OLFM3: variants seen among roughly 807,000 people sequenced by gnomAD.
OLFM3 encodes noelin-3.
In OLFM3, 20 loss-of-function variants were observed where a neutral mutation model predicts 48.6. The ratio of observed to expected loss-of-function variants is 0.41; its 90% confidence interval spans 0.29 to 0.60. OLFM3 has a LOEUF of 0.60. Ranked by LOEUF, OLFM3 falls within the 20% of genes least tolerant of loss-of-function variation. The pLI is 0.28. For missense variants in OLFM3, 437 were observed against 544.3 expected, an observed-to-expected ratio of 0.80 and a Z score of 1.96; for synonymous variants, 222 against 198.1, an observed-to-expected ratio of 1.12 and a Z score of -1.01.
At chr1:101,989,772 T>A (rs1661350252) in intron 1 of OLFM3, among the ~76,000 whole-genome samples, 1 of 152,130 alleles carries the variant, frequency 6.6e-6, no homozygotes, top group Non-Finnish European at 1.5e-5. Flanking sequence ...AGCAAGAAGA[T>A]CAATATAAGC....
At chr1:101,875,868 G>A (rs554182402) in intron 1 of OLFM3, among the ~76,000 whole-genome samples, 1 of 152,076 alleles carries the variant, frequency 6.6e-6, no homozygotes, top group Non-Finnish European at 1.5e-5. Flanking sequence ...TCATTTAAGT[G>A]GATGTCACAA....
chr1:101,875,863 T>G (rs2100982901), intron 1 of OLFM3, among the ~76,000 whole-genome samples: 1 of 152,164 alleles, frequency 6.6e-6, no homozygotes, highest in South Asian at 2.1e-4. Context: ...CACTGTCATT[T>G]AAGTGGATGT....
chr1:101,890,994 A>G (rs1347443373), intron 1 of OLFM3, among the ~76,000 whole-genome samples: 3 of 151,994 alleles, frequency 2.0e-5, no homozygotes, highest in Non-Finnish European at 2.9e-5. Flanking sequence ...TAGCCTAACC[A>G]AATATTTAGA....
chr1:101,940,302 C>T (rs114433977), intron 1 of OLFM3, among the ~76,000 whole-genome samples: 349 of 148,988 alleles, frequency 2.3e-3, no homozygotes, highest in African/African-American at 8.1e-3. Context: ...TAGAGCTGTG[C>T]TATTCTCAGG....
intron 1 of OLFM3, among the ~76,000 whole-genome samples, chr1:101,918,563 CT>C (rs55766537): frequency 1.7e-4 from 24 of 142,698 alleles, no homozygotes; most frequent in Non-Finnish European, 1.8e-4. Flanking sequence ...CTCCTTCCTC[CT>C]TTTTTTTTTT....
chr1:101,948,410 G>A (rs1282228555), intron 1 of OLFM3, among the ~76,000 whole-genome samples: 2 of 151,996 alleles, frequency 1.3e-5, no homozygotes, highest in East Asian at 1.9e-4. Context: ...GGAAGTAGAT[G>A]ACACTGTCTT....
intron 1 of OLFM3, among the ~76,000 whole-genome samples, chr1:101,906,401 A>T (rs1658551332): frequency 1.3e-5 from 2 of 152,104 alleles, no homozygotes; most frequent in Non-Finnish European, 2.9e-5. Context: ...TTTATTTCAT[A>T]TCTTTTATGT....
rs1293198053 is a variant in OLFM3 at position 101,932,131 on chromosome 1, G to T, written c.69+64617C>A. ...GTAAGGCTTTATTTTTTCTTTTGTG[G>T]AAATACTATATTCTCTGTATTGACT... On this transcript the variant is annotated intron_variant, in intron 1 of 5. Transcript: ENST00000370103. Among the ~76,000 whole-genome samples the T allele has an allele frequency of 2.0e-5, 3 of 152,028 alleles. No homozygotes were observed. In the East Asian group the frequency reaches 5.8e-4, roughly 29 times the overall value.
intron 4 of OLFM3, among the ~76,000 whole-genome samples, chr1:101,820,843 A>G (rs1654577035): frequency 6.6e-6 from 1 of 152,108 alleles, no homozygotes; most frequent in African/African-American, 2.4e-5. Context: ...TCATTGTTGT[A>G]ATTTTATTGT....
chr1:101,814,272 T>TTC (rs1654221971), intron 4 of OLFM3, among the ~76,000 whole-genome samples: 1 of 152,040 alleles, frequency 6.6e-6, no homozygotes, highest in Admixed American at 6.6e-5. Context: ...TAAGGTTTTT[T>TTC]TTTTTTTTTA....
In OLFM3 at chr1:101,806,107, G is replaced by A. The variant is rs755368216; in HGVS notation, c.668C>T (p.Thr223Ile). 4.3e-6 allele frequency: 7 copies of A among 1,612,048 alleles called. No homozygotes were observed. Among genetic ancestry groups the A allele is most frequent in the Non-Finnish European group, 5.9e-6 (7 of 1,178,656 alleles). The stretch of plus-strand genomic sequence containing the variant: ...GTTTTTCTCAGATGCTAAAGGGTCT[G>A]TCATCCAAGCACCAAATCGGGTTCC... ...TSGTRFGAWMTDPLASEKNNR... is the reference protein window; with the variant it reads ...TSGTRFGAWMIDPLASEKNNR... Residue 223 changes from threonine to isoleucine, a missense_variant, in exon 5 of 6, where the codon ACA becomes ATA. By Grantham distance (89) the Thr-to-Ile change is moderately conservative. Around this residue, in one of 3 missense-constraint regions of OLFM3, gnomAD observed 314 missense variants for 365.5 expected, o/e 0.86. Coordinates refer to ENST00000370103, the MANE Select transcript of OLFM3 (RefSeq NM_058170.4).
intron 1 of OLFM3, among the ~76,000 whole-genome samples, chr1:101,963,814 A>G (rs1660534243): frequency 6.6e-6 from 1 of 152,186 alleles, no homozygotes; most frequent in Admixed American, 6.5e-5. Context: ...AGTGAGGAAA[A>G]GAAGAGTTTC....
chr1:101,832,473 T>A (rs1655208348), intron 2 of OLFM3, among the ~76,000 whole-genome samples: 1 of 152,246 alleles, frequency 6.6e-6, no homozygotes. Context: ...GCTGTCTTGA[T>A]CCATCATCTT....
intron 1 of OLFM3, among the ~76,000 whole-genome samples, chr1:101,995,814 C>T (rs1661540743): frequency 6.6e-6 from 1 of 152,084 alleles, no homozygotes; most frequent in Non-Finnish European, 1.5e-5. Flanking sequence ...TTGCTGTTGG[C>T]CAGTTAAATA....
At chr1:101,858,502 T>C (rs1323171691) in intron 1 of OLFM3, among the ~76,000 whole-genome samples, 1 of 151,954 alleles carries the variant, frequency 6.6e-6, no homozygotes, top group Non-Finnish European at 1.5e-5. Flanking sequence ...ATGTGTACAA[T>C]GTGCAATGGG....
At chr1:101,886,132 C>G (rs1220303733) in intron 1 of OLFM3, among the ~76,000 whole-genome samples, 2 of 151,922 alleles carry the variant, frequency 1.3e-5, no homozygotes, top group Non-Finnish European at 2.9e-5. Context: ...AGGTGTTTGT[C>G]TTTTAAAAAA....
In OLFM3 at chr1:101,908,850, A is replaced by C. The variant is rs369726737; in HGVS notation, c.70-71825T>G. Reference sequence around the variant, plus strand: ...CGAGGAATGCCTGGAGCCACCAGAAAGCTGGAAGAGCCAAAAAATAAAGTT... The same window carrying C: ...CGAGGAATGCCTGGAGCCACCAGAACGCTGGAAGAGCCAAAAAATAAAGTT... On this transcript the variant is annotated intron_variant, in intron 1 of 5. Transcript: ENST00000370103. Among the ~76,000 whole-genome samples the C allele has an allele frequency of 2.0e-5, 3 of 152,206 alleles. No homozygotes were observed. In the East Asian group the frequency reaches 5.8e-4, roughly 29 times the overall value.
intron 1 of OLFM3, among the ~76,000 whole-genome samples, chr1:101,870,900 T>C (rs1232521231): frequency 1.3e-5 from 2 of 152,010 alleles, no homozygotes; most frequent in African/African-American, 2.4e-5. Context: ...TTCCTTTTCC[T>C]ATGACACTAC....
intron 1 of OLFM3, among the ~76,000 whole-genome samples, chr1:101,945,841 C>A (rs1659948070): frequency 2.1e-5 from 3 of 144,548 alleles, no homozygotes; most frequent in South Asian, 2.4e-4. Context: ...AAAACAGAAA[C>A]AACAAACACA....
Sources: allele counts gnomAD v4.1 joint callset (sites outside exome capture counted in the v4.1 genomes callset), GRCh38; gene constraint gnomAD v4.1.1; regional missense constraint gnomAD v4.1.1; transcripts MANE v1.5; gene names NCBI Gene and HGNC (gene_info 2026-07-23, HGNC 2026-07-21).